The following CSMD2 variants were observed in gnomAD, a reference collection of about 807,000 sequenced individuals.
CSMD2 encodes CUB and Sushi multiple domains 2, also known as CUB and sushi domain-containing protein 2.
In CSMD2, 130 loss-of-function variants were observed where a neutral mutation model predicts 398.5. That is an observed-to-expected ratio of 0.33 (90% CI 0.28 to 0.38). CSMD2 has a LOEUF of 0.38. CSMD2 is among the 10% of genes least tolerant of loss of function. The pLI, the probability that CSMD2 is intolerant of heterozygous loss-of-function variation, is 1.00. For missense variants in CSMD2, 3,829 were observed against 4,764.9 expected, an observed-to-expected ratio of 0.80 and a Z score of 5.78; for synonymous variants, 1,828 against 1,908.5, an observed-to-expected ratio of 0.96 and a Z score of 1.10.
rs780346823 is a variant in CSMD2, at chr1:33,716,429, C to T, written c.3074G>A (p.Ser1025Asn). 1.9e-6 allele frequency: 3 copies of T among 1,614,062 alleles called. No individual in the cohort carries two copies. Among genetic ancestry groups the T allele is most frequent in the Admixed American group, 3.3e-5 (2 of 60,026 alleles). ...HDYLLITENGSFTQPLRQLTG... is the reference protein window; with the variant it reads ...HDYLLITENGNFTQPLRQLTG... ...TAGCTGCCTCAGGGGCTGGGTGAAGCTGCCGTTCTCAGTGATGAGGAGGTA... is the reference window on the plus strand; with the variant it reads ...TAGCTGCCTCAGGGGCTGGGTGAAGTTGCCGTTCTCAGTGATGAGGAGGTA... Residue 1025 changes from serine to asparagine, a missense_variant, in exon 20 of 71, where the codon AGC (serine) becomes AAC (asparagine). Ser to Asn is a conservative substitution (Grantham distance 46). Coordinates refer to ENST00000373381, the MANE Select transcript of CSMD2 (RefSeq NM_001281956.2).
chr1:33,810,713 G>C (rs1473575556), intron 10 of CSMD2, 30 bp downstream of exon 10: 7 of 1,609,248 alleles, frequency 4.3e-6, no homozygotes, highest in African/African-American at 1.3e-5. Context: ...CCTGCCCACA[G>C]AACACCACCC....
chr1:33,567,277 T>C (rs928406526), intron 53 of CSMD2, among the ~76,000 whole-genome samples: 1 of 151,832 alleles, frequency 6.6e-6, no homozygotes, highest in Non-Finnish European at 1.5e-5. Context: ...TAAGCACTTA[T>C]AGCAATAAAA....
At chr1:34,087,427 C>T (rs141598399) in intron 2 of CSMD2, among the ~76,000 whole-genome samples, 2,137 of 151,060 alleles carry the variant, frequency 0.014, 44 homozygotes, top group African/African-American at 0.047. Context: ...ACAATGAGAA[C>T]ACATGGACAA....
chr1:34,080,367 T>C (rs1656930884), intron 2 of CSMD2, among the ~76,000 whole-genome samples: 1 of 152,042 alleles, frequency 6.6e-6, no homozygotes, highest in African/African-American at 2.4e-5. Context: ...AGGCAATAGA[T>C]ATGAAATTAG....
In CSMD2 at chr1:34,165,078, C is replaced by T. The variant is rs1178312359; in HGVS notation, c.20G>A (p.Arg7Gln). 4.1e-6 allele frequency: 5 copies of T among 1,214,758 alleles called. No homozygotes were observed. Among genetic ancestry groups the T allele is most frequent in the Non-Finnish European group, 4.1e-6 (4 of 977,000 alleles). 75.2% of individuals were successfully genotyped at this position (1,214,758 alleles called of 1,614,324 possible). Residue 7 changes from arginine (R) to glutamine (Q), a missense_variant, in exon 1 of 71, where the codon CGG becomes CAG. Arg to Gln is a conservative substitution (Grantham distance 43). Transcript: ENST00000373381. MPRSRG[R>Q]ELGRCGCPAG... ...GGGGCAGCCGCAGCGCCCCAGCTCC[C>T]GTCCCCGCGAGCGCGGCATGGCGCG...
chr1:34,111,414 A>T (rs1661065165), intron 1 of CSMD2, among the ~76,000 whole-genome samples: 1 of 152,162 alleles, frequency 6.6e-6, no homozygotes. Flanking sequence ...GGGGACACAG[A>T]GCATGGTCTG....
At chr1:33,546,453 G>A (rs1656903478) in intron 56 of CSMD2, among the ~76,000 whole-genome samples, 1 of 152,214 alleles carries the variant, frequency 6.6e-6, no homozygotes, top group Non-Finnish European at 1.5e-5. Flanking sequence ...AAGCAAGAAG[G>A]CAGAGGAAAG....
At chr1:34,122,173 C>T (rs1662256572) in intron 1 of CSMD2, among the ~76,000 whole-genome samples, 3 of 151,974 alleles carry the variant, frequency 2.0e-5, no homozygotes, top group Admixed American at 2.0e-4. Context: ...GAGTAGGGGG[C>T]CGCTACTGGC....
intron 57 of CSMD2, among the ~76,000 whole-genome samples, chr1:33,545,439 T>A (rs1656784749): frequency 6.6e-6 from 1 of 152,210 alleles, no homozygotes; most frequent in South Asian, 2.1e-4. Context: ...TTTCACGTAG[T>A]CTCTTCCCTT....
chr1:33,806,501 C>T (rs1656245711), intron 10 of CSMD2, among the ~76,000 whole-genome samples: 1 of 152,166 alleles, frequency 6.6e-6, no homozygotes, highest in African/African-American at 2.4e-5. Flanking sequence ...ACCCTTCTAA[C>T]CACATAATCA....
chr1:33,590,969 G>A (rs1006105866), intron 44 of CSMD2, among the ~76,000 whole-genome samples: 4 of 145,284 alleles, frequency 2.8e-5, no homozygotes, highest in African/African-American at 1.0e-4. Context: ...TTCATTTGAA[G>A]CTTTTATTTA....
intron 27 of CSMD2, among the ~76,000 whole-genome samples, chr1:33,653,206 G>A (rs1385373943): frequency 6.6e-6 from 1 of 152,168 alleles, no homozygotes; most frequent in Non-Finnish European, 1.5e-5. Flanking sequence ...AAAGATTATT[G>A]GAGATGTCTG....
At chr1:33,895,601 A>G in intron 5 of CSMD2, among the ~76,000 whole-genome samples, 1 of 152,144 alleles carries the variant, frequency 6.6e-6, no homozygotes, top group Non-Finnish European at 1.5e-5. Flanking sequence ...TGAGGCATTC[A>G]TGCAGAGCTT....
chr1:33,836,211 C>A (rs1476789191), intron 6 of CSMD2, among the ~76,000 whole-genome samples: 1 of 152,174 alleles, frequency 6.6e-6, no homozygotes, highest in Admixed American at 6.5e-5. Flanking sequence ...GCTGCCTGAT[C>A]GTTCGTCTGG....
chr1:33,631,776 C>T (rs945781183), intron 32 of CSMD2, among the ~76,000 whole-genome samples: 27 of 152,078 alleles, frequency 1.8e-4, no homozygotes, highest in African/African-American at 4.8e-4. Flanking sequence ...CCTAATTTAA[C>T]GTGTAAGTTT....
intron 3 of CSMD2, among the ~76,000 whole-genome samples, chr1:34,018,192 C>T (rs1410870633): frequency 2.0e-5 from 3 of 152,122 alleles, no homozygotes; most frequent in African/African-American, 7.2e-5. Context: ...AAAATAATAT[C>T]ATAAACATCT....
chr1:33,876,636 G>A (rs1640859359), intron 5 of CSMD2, among the ~76,000 whole-genome samples: 1 of 152,194 alleles, frequency 6.6e-6, no homozygotes, highest in Non-Finnish European at 1.5e-5. Flanking sequence ...TAGGCGACTT[G>A]CTTGAGGTCA....
chr1:34,012,806 C>T (rs1647541761), intron 3 of CSMD2, among the ~76,000 whole-genome samples: 1 of 152,148 alleles, frequency 6.6e-6, no homozygotes, highest in Non-Finnish European at 1.5e-5. Flanking sequence ...AAAAGATTAT[C>T]CTTCAAACAC....
chr1:33,732,752 AT>A (rs1646762368), intron 15 of CSMD2, among the ~76,000 whole-genome samples: 1 of 152,356 alleles, frequency 6.6e-6, no homozygotes, highest in African/African-American at 2.4e-5. Flanking sequence ...CCTGACCCTG[AT>A]GCTAAAGTTG....
Sources: allele counts gnomAD v4.1 joint callset (sites outside exome capture counted in the v4.1 genomes callset), GRCh38; gene constraint gnomAD v4.1.1; transcripts MANE v1.5; gene names NCBI Gene and HGNC (gene_info 2026-07-23, HGNC 2026-07-21).